The following ABCA8 variants were observed in gnomAD, a reference collection of about 807,000 sequenced individuals.
ABCA8 encodes ABC-type organic anion transporter ABCA8.
ABCA8 carries 177 observed loss-of-function variants against 192.3 expected under a neutral mutation model. That is an observed-to-expected ratio of 0.92 (90% CI 0.81 to 1.04). The LOEUF is 1.04. Among genes scored for constraint, ABCA8 ranks in the 50% least tolerant of loss-of-function variants. ABCA8 has a pLI of 0.00. For synonymous variants in ABCA8, 642 were observed against 690.2 expected, an observed-to-expected ratio of 0.93 and a Z score of 1.09; for missense variants, 1,915 against 1,904.8, an observed-to-expected ratio of 1.01 and a Z score of -0.10.
chr17:68,922,041 A>G (rs1267592917), intron 12 of ABCA8, among the ~76,000 whole-genome samples: 1 of 151,932 alleles, frequency 6.6e-6, no homozygotes, highest in Admixed American at 6.6e-5. Flanking sequence ...AACTTTTATA[A>G]AGTAGAAGCA....
intron 37 of ABCA8, among the ~76,000 whole-genome samples, chr17:68,871,668 A>G (rs1023989046): frequency 6.6e-6 from 1 of 152,184 alleles, no homozygotes; most frequent in African/African-American, 2.4e-5. Flanking sequence ...GTCATAATCA[A>G]TAATGGACTA....
Position 68,881,933 on chromosome 17 carries a change from C to T in ABCA8, c.3876G>A (p.Lys1292=), listed in dbSNP as rs1246425332. 2 of 1,614,144 alleles carry T rather than the reference C, an allele frequency of 1.2e-6. No homozygotes were observed. Among genetic ancestry groups the T allele is most frequent in the Admixed American group, 1.7e-5 (1 of 60,032 alleles). ...ASCLRKEYAG[K]RKGCFSKRKN... is the part of the protein sequence containing the mutation. ...TCCTCTTGGAAAAACAGCCTTTCCT[C>T]TTCCCTGCATACTCCTTGCGTAGAC... The change falls in exon 31 of 40, where the codon AAG becomes AAA. Residue 1292 remains lysine (K), a synonymous_variant. Coordinates refer to ENST00000586539, the MANE Select transcript of ABCA8 (RefSeq NM_001288985.2).
intron 11 of ABCA8, among the ~76,000 whole-genome samples, chr17:68,923,410 A>T (rs1445738943): frequency 2.0e-5 from 3 of 151,956 alleles, no homozygotes; most frequent in Non-Finnish European, 4.4e-5. Context: ...ATGTTGCTCA[A>T]GCTGGTCTCA....
At position 68,929,147 on chromosome 17, in the gene ABCA8, A is replaced by G. The variant is rs1338332530; in HGVS notation, c.1027T>C (p.Cys343Arg). Residue 343 changes from cysteine to arginine, a missense_variant, in exon 9 of 40, where the codon TGT becomes CGT. By Grantham distance (180) the Cys-to-Arg change is radical. Transcript: ENST00000586539. Reference protein sequence around the residue: ...VVFLLTVFWGCLGFTSLYRHL... With the variant: ...VVFLLTVFWGRLGFTSLYRHL... Reference sequence around the variant, plus strand: ...CTGTACAGTGATGTGAACCCCAGACACCCCCAAAAGACAGTGAGGAGGAAC... The same window carrying G: ...CTGTACAGTGATGTGAACCCCAGACGCCCCCAAAAGACAGTGAGGAGGAAC... The G allele has an allele frequency of 6.2e-7, 1 of 1,611,690 alleles. No individual in the cohort carries two copies. The highest frequency in any genetic ancestry group is 8.5e-7 in the Non-Finnish European group (1 of 1,178,738).
chr17:68,881,106 C>T lies in ABCA8; in HGVS notation c.4038+14G>A. The T allele has an allele frequency of 1.3e-6, 2 of 1,572,200 alleles. No individual in the cohort carries two copies. The highest frequency in any genetic ancestry group is 1.8e-6 in the Non-Finnish European group (2 of 1,142,246). On this transcript the variant is annotated intron_variant, in intron 32 of 39. Transcript: ENST00000586539. ...TCACCATTAGATAACATATTTTCCA[C>T]ATAATTCACCTACTTGTCCAGCAGT...
Position 68,907,818 on chromosome 17 carries a change from G to A in ABCA8, c.2200C>T (p.Pro734Ser), listed in dbSNP as rs1365984089. ...CTTTTGGCTGATAATTTGGCATCAG[G>A]GATGTGCTGTTTAACAAGTGATGTT... Reference protein sequence around the residue: ...NITSLVKQHIPDAKLSAKSEG... With the variant: ...NITSLVKQHISDAKLSAKSEG... Residue 734 changes from proline (P) to serine (S), a missense_variant, in exon 18 of 40, where the codon CCT becomes TCT. Coordinates refer to ENST00000586539, the MANE Select transcript of ABCA8 (RefSeq NM_001288985.2). 3.1e-6 allele frequency: 5 copies of A among 1,609,870 alleles called. No individual in the cohort carries two copies. The highest frequency in any genetic ancestry group is 4.2e-6 in the Non-Finnish European group (5 of 1,178,206).
chr17:68,883,729 TGC>T, intron 29 of ABCA8, 60 bp downstream of exon 29: 5 of 1,092,116 alleles, frequency 4.6e-6, no homozygotes, highest in Middle Eastern at 2.0e-4. Flanking sequence ...AATTGATTTA[TGC>T]ATGAAAAATA....
chr17:68,917,147 T>C (rs2067391843), intron 17 of ABCA8, among the ~76,000 whole-genome samples: 1 of 152,134 alleles, frequency 6.6e-6, no homozygotes. Flanking sequence ...GGCGGGCCCA[T>C]GTAGTCCCAG....
chr17:68,941,170 C>T (rs147279621), intron 3 of ABCA8, among the ~76,000 whole-genome samples: 185 of 152,090 alleles, frequency 1.2e-3, no homozygotes, highest in Middle Eastern at 6.8e-3. Flanking sequence ...TGGTTACATG[C>T]CAAGATTCTG....
rs1598192217 is a variant in ABCA8, at chr17:68,881,791, A to G, written c.3946+72T>C. 5.6e-6 allele frequency: 6 copies of G among 1,065,032 alleles called. No individual in the cohort carries two copies. The East Asian group carries it at 1.4e-4, about 25-fold the overall frequency. The allele number at this position is 1,065,032 out of a possible 1,614,324, so 66.0% of individuals were successfully genotyped here. On this transcript the variant is annotated intron_variant, in intron 31 of 39. Coordinates refer to ENST00000586539, the MANE Select transcript of ABCA8 (RefSeq NM_001288985.2). The stretch of plus-strand genomic sequence containing the variant: ...TGTGAACCAAGAGGTGGTTTCCAGA[A>G]TAATGCTCATTAGGAACCAGGAACC...
In ABCA8 at chr17:68,869,748, C is replaced by T; in HGVS notation, c.4663G>A (p.Val1555Met). Reference protein sequence around the residue: ...YSSLMVYKLPVEDVQPLAQAF... With the variant: ...YSSLMVYKLPMEDVQPLAQAF... ...TGGGCTAAAGGTTGCACATCTTCCA[C>T]TGGCAACTTATAAACCATCAGAGAG... is the stretch of plus-strand genomic sequence containing the variant. Residue 1555 changes from valine (V) to methionine (M), a missense_variant, in exon 38 of 40, where the codon GTG becomes ATG. By Grantham distance (21) the Val-to-Met change is conservative (BLOSUM62 1). Transcript: ENST00000586539. The T allele has an allele frequency of 1.9e-6, 3 of 1,613,270 alleles. No individual in the cohort carries two copies. Among genetic ancestry groups the T allele is most frequent in the Non-Finnish European group, 2.5e-6 (3 of 1,179,350 alleles).
intron 14 of ABCA8, 42 bp from the exon 15 acceptor site, chr17:68,918,588 T>A: frequency 6.9e-7 from 1 of 1,442,084 alleles, no homozygotes; most frequent in Non-Finnish European, 9.0e-7. Context: ...CAAAATTTAT[T>A]CCTTTTTTAA....
chr17:68,932,458 C>A lies in ABCA8; in HGVS notation c.627G>T (p.Met209Ile). 1.9e-6 allele frequency: 3 copies of A among 1,614,004 alleles called. No homozygotes were observed. Among genetic ancestry groups the A allele is most frequent in the Non-Finnish European group, 2.5e-6 (3 of 1,179,864 alleles). The change falls in exon 7 of 40, where the codon ATG becomes ATT. Residue 209 changes from methionine (M) to isoleucine (I), a missense_variant. Met to Ile is a conservative substitution (Grantham distance 10, BLOSUM62 1). Transcript: ENST00000586539. ...EELMSVTGKN[M>I]KMHSFIGQSG... is the part of the protein sequence containing the mutation. ...ATTGACCAATGAAGGAATGCATCTT[C>A]ATATTTTTTCCAGTAACTGACATCA...
At position 68,868,113 on chromosome 17, in the gene ABCA8, C is replaced by T. The variant is rs780896465; in HGVS notation, c.4838G>A (p.Trp1613Ter). The change falls in exon 40 of 40, where the codon TGG becomes TAG. Residue 1613 changes from tryptophan (W) to a stop codon, truncating the protein, a stop_gained. Transcript: ENST00000586539. LOFTEE classifies it high-confidence loss of function. ...FEEDFDPSVK[W>*]KLLPQEEP ...AGGCTCTTCCTGGGGGAGGAGCTTCCACTTCACTGAGGGATCAAAATCCTC... is the reference window on the plus strand; with the variant it reads ...AGGCTCTTCCTGGGGGAGGAGCTTCTACTTCACTGAGGGATCAAAATCCTC... 6 of 1,612,730 alleles carry T rather than the reference C, an allele frequency of 3.7e-6. No homozygotes were observed. The highest frequency in any genetic ancestry group is 5.1e-6 in the Non-Finnish European group (6 of 1,179,396).
chr17:68,923,846 G>GA (rs2067614611), intron 11 of ABCA8, among the ~76,000 whole-genome samples: 1 of 152,094 alleles, frequency 6.6e-6, no homozygotes, highest in Non-Finnish European at 1.5e-5. Flanking sequence ...GGATCTTAAG[G>GA]ACTTTCTTCC....
chr17:68,890,338 A>G (rs1302155670), intron 24 of ABCA8, among the ~76,000 whole-genome samples: 1 of 152,092 alleles, frequency 6.6e-6, no homozygotes, highest in Admixed American at 6.5e-5. Context: ...CCATCTGTAC[A>G]TCTTCTTTGG....
intron 27 of ABCA8, 129 bp from the exon 28 acceptor site, chr17:68,884,525 A>G: frequency 1.4e-6 from 2 of 1,379,454 alleles, no homozygotes; most frequent in Non-Finnish European, 1.9e-6. Context: ...TGTCCTTTCT[A>G]AAGTGTATAG....
In ABCA8 at chr17:68,929,135, T is replaced by G. The variant is rs1398152072; in HGVS notation, c.1039A>C (p.Thr347Pro). Residue 347 changes from threonine (T) to proline (P), a missense_variant, in exon 9 of 40, where the codon ACA (threonine) becomes CCA (proline). Thr to Pro is a conservative substitution (Grantham distance 38). Coordinates refer to ENST00000586539, the MANE Select transcript of ABCA8 (RefSeq NM_001288985.2). ...GCAGGAAGGTGTCTGTACAGTGATG[T>G]GAACCCCAGACACCCCCAAAAGACA... is the stretch of plus-strand genomic sequence containing the variant. Reference protein sequence around the residue: ...LTVFWGCLGFTSLYRHLPASL... With the variant: ...LTVFWGCLGFPSLYRHLPASL... 6.2e-7 allele frequency: 1 copy of G among 1,612,044 alleles called. No individual in the cohort carries two copies.
At chr17:68,952,510 C>A (rs2143831976) in intron 1 of ABCA8, among the ~76,000 whole-genome samples, 1 of 152,298 alleles carries the variant, frequency 6.6e-6, no homozygotes, top group East Asian at 1.9e-4. Flanking sequence ...AAAGAACATA[C>A]AAAGTAGATT....
Sources: gnomAD v4.1 joint callset for allele counts (sites outside exome capture counted in the v4.1 genomes callset) on GRCh38, gnomAD v4.1.1 for gene constraint, MANE v1.5 for transcripts, NCBI Gene and HGNC (gene_info 2026-07-23, HGNC 2026-07-21) for gene names.